Variants in ADTRP observed in about 807,000 individuals in gnomAD.
The protein encoded by ADTRP is androgen-dependent TFPI-regulating protein.
In ADTRP, 20 loss-of-function variants were observed where a neutral mutation model predicts 27.0. The ratio of observed to expected loss-of-function variants is 0.74; its 90% CI spans 0.52 to 1.08. ADTRP has a LOEUF of 1.08. Among genes scored for constraint, ADTRP ranks in the 50% least tolerant of loss-of-function variants. ADTRP has a pLI of 0.00. For synonymous variants in ADTRP, 101 were observed against 105.2 expected, an observed-to-expected ratio of 0.96 and a Z score of 0.25; for missense variants, 251 against 275.0, an observed-to-expected ratio of 0.91 and a Z score of 0.62.
intron 3 of ADTRP, among the ~76,000 whole-genome samples, chr6:11,750,839 T>A (rs538636646): frequency 1.3e-5 from 2 of 152,192 alleles, no homozygotes; most frequent in African/African-American, 4.8e-5. Context: ...CCCCAATCTA[T>A]GTTATTTAAT....
chr6:11,774,350 A>G (rs6903956), intron 1 of ADTRP, among the ~76,000 whole-genome samples: 98,778 of 151,694 alleles, frequency 0.65, 32,523 homozygotes, highest in East Asian at 0.93. Context: ...AGTGCCATAG[A>G]TTATTACTTA....
chr6:11,721,605 C>G (rs1179664883), intron 5 of ADTRP, among the ~76,000 whole-genome samples: 3 of 151,798 alleles, frequency 2.0e-5, no homozygotes. Flanking sequence ...GACCTTTTAC[C>G]CTTTCTCTTC....
chr6:11,731,024 C>G (rs1762363404), intron 4 of ADTRP, among the ~76,000 whole-genome samples: 1 of 152,160 alleles, frequency 6.6e-6, no homozygotes, highest in South Asian at 2.1e-4. Context: ...GATGTTGGAC[C>G]CAGTGGGGAT....
At chr6:11,742,601 T>C (rs1226733995) in intron 3 of ADTRP, among the ~76,000 whole-genome samples, 2 of 152,206 alleles carry the variant, frequency 1.3e-5, no homozygotes. Context: ...CCCTAGGCAT[T>C]AGGCCTGAAA....
At chr6:11,717,483 C>T in intron 5 of ADTRP, 2 of 1,228,158 alleles carry the variant, frequency 1.6e-6, no homozygotes, top group Non-Finnish European at 2.1e-6. Flanking sequence ...AATTATATGC[C>T]TTATTATTCC....
intron 4 of ADTRP, among the ~76,000 whole-genome samples, chr6:11,732,544 C>A (rs1762423311): frequency 6.6e-6 from 1 of 152,230 alleles, no homozygotes; most frequent in Non-Finnish European, 1.5e-5. Context: ...CTCCTCTAAC[C>A]AGGGCGTGAG....
chr6:11,718,401 C>T (rs1682075273), intron 5 of ADTRP, among the ~76,000 whole-genome samples: 1 of 152,226 alleles, frequency 6.6e-6, no homozygotes, highest in Admixed American at 6.5e-5. Flanking sequence ...TCCTGAGGAG[C>T]TTGTGTGCTG....
At chr6:11,720,283 C>A (rs577107812) in intron 5 of ADTRP, among the ~76,000 whole-genome samples, 2 of 152,084 alleles carry the variant, frequency 1.3e-5, no homozygotes. Flanking sequence ...AGTAGGGGAA[C>A]CAGTCAACTG....
chr6:11,737,167 G>A (rs1403332595), intron 3 of ADTRP, among the ~76,000 whole-genome samples: 1 of 152,066 alleles, frequency 6.6e-6, no homozygotes, highest in Non-Finnish European at 1.5e-5. Context: ...CATTTATGAA[G>A]TCCTTCTGCC....
chr6:11,763,865 G>A (rs1020514094), intron 3 of ADTRP, among the ~76,000 whole-genome samples: 2 of 152,246 alleles, frequency 1.3e-5, no homozygotes, highest in African/African-American at 2.4e-5. Context: ...AAGAAGGCAG[G>A]AAGTTTGGGA....
chr6:11,742,726 A>T (rs1762756600), intron 3 of ADTRP, among the ~76,000 whole-genome samples: 1 of 152,206 alleles, frequency 6.6e-6, no homozygotes, highest in African/African-American at 2.4e-5. Flanking sequence ...ATAATATCTG[A>T]AGGCAAAATA....
chr6:11,758,490 T>A (rs111842969), intron 3 of ADTRP, among the ~76,000 whole-genome samples: 2,259 of 146,570 alleles, frequency 0.015, 66 homozygotes, highest in African/African-American at 0.054. Context: ...AAACACCGCA[T>A]GTTCTCATTC....
chr6:11,727,464 T>G (rs1252217841), intron 4 of ADTRP, among the ~76,000 whole-genome samples: 1 of 152,218 alleles, frequency 6.6e-6, no homozygotes, highest in African/African-American at 2.4e-5. Context: ...GCTAGGAGTT[T>G]GGAGTCAGTG....
chr6:11,760,430 G>A (rs1453676630), intron 3 of ADTRP, among the ~76,000 whole-genome samples: 1 of 152,084 alleles, frequency 6.6e-6, no homozygotes, highest in Non-Finnish European at 1.5e-5. Flanking sequence ...TCCAAGAGAC[G>A]ACACTGCACT....
chr6:11,739,444 T>C lies in ADTRP; in HGVS notation c.391-3761A>G, dbSNP rs116280875. Among the ~76,000 whole-genome samples, 927 of 152,332 alleles carry C rather than the reference T, an allele frequency of 6.1e-3. 13 individuals carry two copies. Among genetic ancestry groups the C allele is most frequent in the African/African-American group, 0.021 (886 of 41,572 alleles). On this transcript the variant is annotated intron_variant, in intron 3 of 5. Coordinates refer to ENST00000414691, the MANE Select transcript of ADTRP (RefSeq NM_032744.4). Reference sequence around the variant, plus strand: ...TCTCCCATCCTTTTCTACTCAATTATACCTTCCCCCCACCATCCTCCATAA... The same window carrying C: ...TCTCCCATCCTTTTCTACTCAATTACACCTTCCCCCCACCATCCTCCATAA...
At chr6:11,761,863 T>C (rs541208411) in intron 3 of ADTRP, among the ~76,000 whole-genome samples, 4 of 152,258 alleles carry the variant, frequency 2.6e-5, no homozygotes, top group South Asian at 2.1e-4. Context: ...TCCCTCAAGG[T>C]TGAAAACCAC....
intron 3 of ADTRP, chr6:11,755,196 A>C: frequency 4.7e-6 from 2 of 423,038 alleles, no homozygotes; most frequent in Non-Finnish European, 6.3e-6. Context: ...GTAACTTCTC[A>C]GAAGACATCT....
At chr6:11,751,005 C>T (rs1044758710) in intron 3 of ADTRP, among the ~76,000 whole-genome samples, 4 of 152,206 alleles carry the variant, frequency 2.6e-5, no homozygotes, top group Non-Finnish European at 2.9e-5. Context: ...GCATGCATCA[C>T]CACACCTGGC....
intron 3 of ADTRP, among the ~76,000 whole-genome samples, chr6:11,750,268 G>A (rs973205689): frequency 1.3e-5 from 2 of 152,230 alleles, no homozygotes; most frequent in Non-Finnish European, 2.9e-5. Context: ...TTGGTTTCTG[G>A]TTAAATCCCT....
Sources: gnomAD v4.1 joint callset for allele counts (sites outside exome capture counted in the v4.1 genomes callset) on GRCh38, gnomAD v4.1.1 for gene constraint, MANE v1.5 for transcripts, NCBI Gene and HGNC (gene_info 2026-07-23, HGNC 2026-07-21) for gene names.